Variants in NTRK3 observed in about 807,000 individuals in gnomAD.
NTRK3 encodes NT-3 growth factor receptor.
NTRK3 carries 24 observed loss-of-function variants against 91.7 expected under a neutral mutation model. The observed-to-expected ratio is 0.26, with a 90% confidence interval of 0.19 to 0.37. The LOEUF (loss-of-function observed/expected upper bound fraction) is 0.37. Ranked by LOEUF, NTRK3 falls within the 10% of genes least tolerant of loss-of-function variation. The probability of loss-of-function intolerance (pLI) is 1.00; values close to 1 mark genes in which losing one functional copy is unlikely to be tolerated. For missense variants in NTRK3, 880 were observed against 1,068.9 expected (o/e 0.82, Z 2.46); for synonymous variants, 483 against 404.0 (o/e 1.20, Z -2.34).
At chr15:88,138,096 A>G (rs2042043477) in intron 6 of NTRK3, among the ~76,000 whole-genome samples, 1 of 151,608 alleles carries the variant, frequency 6.6e-6, no homozygotes, top group African/African-American at 2.4e-5. Flanking sequence ...CAACTGTCTA[A>G]GAGATCCTTT....
At chr15:88,051,390 T>C (rs1450641998) in intron 13 of NTRK3, among the ~76,000 whole-genome samples, 1 of 152,204 alleles carries the variant, frequency 6.6e-6, no homozygotes, top group Non-Finnish European at 1.5e-5. Flanking sequence ...TGCCTCTCTG[T>C]CTCTCGCTAG....
intron 13 of NTRK3, among the ~76,000 whole-genome samples, chr15:88,033,436 G>A (rs1270297272): frequency 3.3e-5 from 5 of 151,122 alleles, no homozygotes; most frequent in East Asian, 2.0e-4. Flanking sequence ...TCAGCCTCTC[G>A]AGTAGCTGGG....
chr15:87,969,442 T>G (rs973511234), intron 14 of NTRK3, among the ~76,000 whole-genome samples: 4 of 152,092 alleles, frequency 2.6e-5, no homozygotes, highest in African/African-American at 9.7e-5. Flanking sequence ...ATAAGAAGAA[T>G]AGATAGATAG....
At chr15:88,150,434 A>G (rs1253232592) in intron 5 of NTRK3, among the ~76,000 whole-genome samples, 1 of 152,240 alleles carries the variant, frequency 6.6e-6, no homozygotes, top group African/African-American at 2.4e-5. Flanking sequence ...CCTTATTACA[A>G]GTCAGAGGAA....
chr15:88,153,066 G>A (rs1356829500), intron 5 of NTRK3, among the ~76,000 whole-genome samples: 2 of 152,096 alleles, frequency 1.3e-5, no homozygotes, highest in East Asian at 3.9e-4. Context: ...AGAAAACAAT[G>A]AATGTCCAAC....
chr15:87,935,153 C>T (rs116878550), intron 15 of NTRK3, among the ~76,000 whole-genome samples: 538 of 152,192 alleles, frequency 3.5e-3, no homozygotes, highest in Non-Finnish European at 6.4e-3. Flanking sequence ...AAATTAGTCA[C>T]TAGGCAGGTC....
At chr15:88,175,285 T>C (rs1040685552) in intron 5 of NTRK3, among the ~76,000 whole-genome samples, 2 of 152,066 alleles carry the variant, frequency 1.3e-5, no homozygotes, top group Admixed American at 1.3e-4. Flanking sequence ...AACAGTAACA[T>C]CCTTTGCCCC....
At chr15:88,198,161 C>A (rs1028086773) in intron 3 of NTRK3, among the ~76,000 whole-genome samples, 2 of 152,186 alleles carry the variant, frequency 1.3e-5, no homozygotes, top group African/African-American at 4.8e-5. Context: ...ACTGGGGCCA[C>A]CATGGCAGGG....
At chr15:88,122,790 GA>G (rs1275656705) in intron 13 of NTRK3, among the ~76,000 whole-genome samples, 1 of 152,084 alleles carries the variant, frequency 6.6e-6, no homozygotes. Context: ...AGACATCTCA[GA>G]TCTCCCAATT....
At chr15:88,053,236 G>C (rs2045386359) in intron 13 of NTRK3, among the ~76,000 whole-genome samples, 2 of 152,178 alleles carry the variant, frequency 1.3e-5, no homozygotes, top group Admixed American at 1.3e-4. Flanking sequence ...AGGGGGCAGA[G>C]AGTAATGAGG....
rs909768318 is a variant in NTRK3, at chr15:87,983,989, A to C, written c.1586-43236T>G. ...ACCCTCACAATGACACTTCGCATGC[A>C]CTGGGACCTTCCAGATAAGGAAACC... On this transcript the variant is annotated intron_variant, in intron 14 of 18. Transcript: ENST00000394480. Among the ~76,000 whole-genome samples, 5 of 152,118 alleles carry C rather than the reference A, an allele frequency of 3.3e-5. No homozygotes were observed. The East Asian group carries it at 9.6e-4, about 29-fold the overall frequency.
chr15:87,900,310 G>T (rs1448181063), intron 17 of NTRK3, among the ~76,000 whole-genome samples: 1 of 152,116 alleles, frequency 6.6e-6, no homozygotes, highest in African/African-American at 2.4e-5. Context: ...TATTAACCCA[G>T]CCACACAGCC....
chr15:87,978,049 C>G (rs28521337), intron 14 of NTRK3: 141,627 of 232,960 alleles, frequency 0.61, 45,227 homozygotes, highest in African/African-American at 0.83. Flanking sequence ...ATGCTGACTT[C>G]ATACAATGGA....
At chr15:87,913,670 T>A (rs1040177832) in intron 17 of NTRK3, among the ~76,000 whole-genome samples, 1 of 152,204 alleles carries the variant, frequency 6.6e-6, no homozygotes, top group African/African-American at 2.4e-5. Context: ...AAAGGACTCA[T>A]TTTTAGGTGT....
intron 14 of NTRK3, among the ~76,000 whole-genome samples, chr15:87,961,501 G>A (rs1415699799): frequency 6.6e-6 from 1 of 152,226 alleles, no homozygotes; most frequent in Non-Finnish European, 1.5e-5. Context: ...TATTTTTTGA[G>A]CACCCACTTT....
chr15:88,014,766 T>C (rs1329289378), intron 14 of NTRK3, among the ~76,000 whole-genome samples: 1 of 152,218 alleles, frequency 6.6e-6, no homozygotes, highest in African/African-American at 2.4e-5. Context: ...CCGGAGCAGG[T>C]TCTTTGCAGG....
chr15:88,015,388 T>C (rs535943767), intron 14 of NTRK3, among the ~76,000 whole-genome samples: 1 of 152,222 alleles, frequency 6.6e-6, no homozygotes, highest in East Asian at 1.9e-4. Context: ...CCTCCAGCCC[T>C]GCCCCCACCA....
intron 5 of NTRK3, among the ~76,000 whole-genome samples, chr15:88,173,740 C>T (rs916931827): frequency 1.3e-5 from 2 of 152,236 alleles, no homozygotes; most frequent in Non-Finnish European, 2.9e-5. Context: ...TCTTCTCCAG[C>T]TGGGTTCCTG....
At chr15:88,102,994 A>G (rs953881089) in intron 13 of NTRK3, among the ~76,000 whole-genome samples, 5 of 152,246 alleles carry the variant, frequency 3.3e-5, no homozygotes, top group African/African-American at 1.2e-4. Flanking sequence ...TACTGGGCAC[A>G]GAATAAGAAC....
Sources: gnomAD v4.1 joint callset for allele counts (sites outside exome capture counted in the v4.1 genomes callset) on GRCh38, gnomAD v4.1.1 for gene constraint, MANE v1.5 for transcripts, NCBI Gene and HGNC (gene_info 2026-07-23, HGNC 2026-07-21) for gene names.